The following RUNDC3B variants were observed in gnomAD, a reference collection of about 807,000 sequenced individuals.
The protein encoded by RUNDC3B is RUN domain containing 3B.
Under a neutral mutation model 58.4 loss-of-function variants are expected in RUNDC3B, and 33 were observed. The observed-to-expected ratio is 0.56, with a 90% CI of 0.43 to 0.75. The LOEUF is 0.75. Ranked by LOEUF, RUNDC3B falls within the 30% of genes least tolerant of loss-of-function variation. RUNDC3B has a pLI of 0.00. For synonymous variants in RUNDC3B, 193 were observed against 195.2 expected (o/e 0.99, Z 0.10); for missense variants, 501 against 535.7 (o/e 0.94, Z 0.64).
intron 9 of RUNDC3B, among the ~76,000 whole-genome samples, chr7:87,812,101 T>A (rs910357096): frequency 1.1e-4 from 17 of 152,326 alleles, no homozygotes; most frequent in African/African-American, 3.8e-4. Context: ...AATCATTTAT[T>A]ACTTCTGATT....
At chr7:87,686,659 G>C (rs752233550) in intron 2 of RUNDC3B, among the ~76,000 whole-genome samples, 3 of 151,848 alleles carry the variant, frequency 2.0e-5, no homozygotes, top group Admixed American at 1.3e-4. Context: ...GAAAAAGTTA[G>C]CCAGGTGCAG....
chr7:87,652,623 T>G (rs866247182), intron 2 of RUNDC3B, among the ~76,000 whole-genome samples: 7 of 139,460 alleles, frequency 5.0e-5, no homozygotes, highest in African/African-American at 1.9e-4. Flanking sequence ...TGGTCACTGA[T>G]ATATATATAT....
chr7:87,636,944 A>G (rs1192604773), intron 1 of RUNDC3B, among the ~76,000 whole-genome samples: 2 of 152,214 alleles, frequency 1.3e-5, no homozygotes, highest in Non-Finnish European at 2.9e-5. Context: ...GGAAGTAAAC[A>G]TGTCCTTCTT....
At chr7:87,687,712 A>T (rs963022402) in intron 2 of RUNDC3B, among the ~76,000 whole-genome samples, 4 of 152,104 alleles carry the variant, frequency 2.6e-5, no homozygotes, top group Non-Finnish European at 5.9e-5. Context: ...ACGAGTTAGA[A>T]CTCCTGTGAC....
chr7:87,760,601 A>G (rs1278554439), intron 6 of RUNDC3B, among the ~76,000 whole-genome samples: 9 of 152,102 alleles, frequency 5.9e-5, no homozygotes, highest in Non-Finnish European at 1.3e-4. Flanking sequence ...CAGTAATCAA[A>G]ACAATATGCT....
intron 10 of RUNDC3B, among the ~76,000 whole-genome samples, chr7:87,820,739 C>A (rs1331354990): frequency 3.3e-5 from 5 of 151,402 alleles, no homozygotes; most frequent in Non-Finnish European, 7.4e-5. Flanking sequence ...TCAACATACG[C>A]AAATCAATAA....
At chr7:87,789,007 A>T (rs934504959) in intron 8 of RUNDC3B, among the ~76,000 whole-genome samples, 1 of 152,200 alleles carries the variant, frequency 6.6e-6, no homozygotes, top group Non-Finnish European at 1.5e-5. Flanking sequence ...ATTTAACATC[A>T]ATCACATTGT....
chr7:87,776,990 A>G (rs1341411765), intron 7 of RUNDC3B, among the ~76,000 whole-genome samples: 1 of 152,172 alleles, frequency 6.6e-6, no homozygotes, highest in African/African-American at 2.4e-5. Flanking sequence ...AAAACAGGAA[A>G]GATTTTGAAA....
intron 4 of RUNDC3B, among the ~76,000 whole-genome samples, chr7:87,718,973 T>C (rs1055472219): frequency 7.2e-5 from 11 of 152,006 alleles, no homozygotes; most frequent in African/African-American, 2.7e-4. Flanking sequence ...AGAGATTCAG[T>C]AATAAAACTA....
chr7:87,762,620 T>G (rs563053343), intron 6 of RUNDC3B, among the ~76,000 whole-genome samples: 6 of 151,580 alleles, frequency 4.0e-5, no homozygotes, highest in Non-Finnish European at 5.9e-5. Flanking sequence ...TTTTCTAGTA[T>G]ATTCTTATCT....
intron 8 of RUNDC3B, among the ~76,000 whole-genome samples, chr7:87,805,990 T>C (rs1334861018): frequency 1.3e-5 from 2 of 152,314 alleles, no homozygotes; most frequent in East Asian, 3.9e-4. Flanking sequence ...ACTGTTTTCA[T>C]TTTTGAAAAA....
intron 2 of RUNDC3B, among the ~76,000 whole-genome samples, chr7:87,693,487 A>G (rs1283575135): frequency 1.3e-5 from 2 of 152,210 alleles, no homozygotes; most frequent in African/African-American, 4.8e-5. Context: ...TGAGCCATAT[A>G]GTTCCAAAGT....
At chr7:87,663,220 A>T (rs1171300013) in intron 2 of RUNDC3B, among the ~76,000 whole-genome samples, 2 of 152,060 alleles carry the variant, frequency 1.3e-5, no homozygotes, top group Non-Finnish European at 2.9e-5. Context: ...TTTTAGTTGG[A>T]TGCCCTTTAT....
At chr7:87,813,272 T>G (rs955872501) in intron 9 of RUNDC3B, among the ~76,000 whole-genome samples, 1 of 152,212 alleles carries the variant, frequency 6.6e-6, no homozygotes, top group Non-Finnish European at 1.5e-5. Flanking sequence ...GAAAGTGATA[T>G]TCTAAAAAGA....
At chr7:87,798,846 G>C (rs781581965) in intron 8 of RUNDC3B, among the ~76,000 whole-genome samples, 2 of 152,102 alleles carry the variant, frequency 1.3e-5, no homozygotes, top group Non-Finnish European at 2.9e-5. Context: ...TTGGTAAATA[G>C]GTAAATAGCA....
intron 1 of RUNDC3B, among the ~76,000 whole-genome samples, chr7:87,638,537 C>T (rs1822075588): frequency 6.6e-6 from 1 of 151,932 alleles, no homozygotes; most frequent in Non-Finnish European, 1.5e-5. Context: ...CTGAACAATT[C>T]AGATTTCCTG....
rs74994266 is a variant in RUNDC3B, at chr7:87,706,139, A to G, written c.373-4431A>G. Among the ~76,000 whole-genome samples, 1,069 of 152,330 alleles carry G rather than the reference A, an allele frequency of 7.0e-3. 9 individuals carry two copies. The highest frequency in any genetic ancestry group is 0.049 in the East Asian group (255 of 5,184). On this transcript the variant is annotated intron_variant, in intron 3 of 10. Transcript: ENST00000394654. ...ACCAGTTTCAGAATATGCTAGTTAC[A>G]TCAGCCATCCACATATCCATGCATC...
Position 87,628,645 on chromosome 7 carries a change from G to T in RUNDC3B, c.-179G>T. Reference sequence around the variant, plus strand: ...TGTGTGGAGCTCGGGTGCCAAGGGCGAGCCGTCAGTCCCCGGGTGCGAGTC... The same window carrying T: ...TGTGTGGAGCTCGGGTGCCAAGGGCTAGCCGTCAGTCCCCGGGTGCGAGTC... On this transcript the variant is annotated 5_prime_UTR_variant, in exon 1 of 11. Coordinates refer to ENST00000394654, the MANE Select transcript of RUNDC3B (RefSeq NM_001134405.2). 1 of 368,046 alleles carries T rather than the reference G, an allele frequency of 2.7e-6. No homozygotes were observed. Among genetic ancestry groups the T allele is most frequent in the Non-Finnish European group, 4.8e-6 (1 of 210,460 alleles). The allele number at this position is 368,046 out of a possible 1,614,324, so 22.8% of individuals were successfully genotyped here.
chr7:87,785,785 G>C (rs1835179674), intron 8 of RUNDC3B, among the ~76,000 whole-genome samples: 1 of 152,176 alleles, frequency 6.6e-6, no homozygotes, highest in African/African-American at 2.4e-5. Flanking sequence ...TGCTGTAGCT[G>C]TCTCATGTTC....
Sources: gnomAD v4.1 joint callset for allele counts (sites outside exome capture counted in the v4.1 genomes callset) on GRCh38, gnomAD v4.1.1 for gene constraint, MANE v1.5 for transcripts, NCBI Gene and HGNC (gene_info 2026-07-23, HGNC 2026-07-21) for gene names.